Variants in KLHL32 observed in about 807,000 individuals in gnomAD.
KLHL32 encodes kelch like family member 32.
KLHL32 carries 35 observed loss-of-function variants against 64.8 expected under a neutral mutation model. That is an observed-to-expected ratio of 0.54 (90% CI 0.41 to 0.72). The LOEUF (loss-of-function observed/expected upper bound fraction) is 0.72, where lower values mean the gene tolerates loss of function less well. KLHL32 is among the 30% of genes least tolerant of loss of function. The pLI, the probability that KLHL32 is intolerant of heterozygous loss-of-function variation, is 0.00. For synonymous variants in KLHL32, 259 were observed against 281.0 expected (o/e 0.92, Z 0.78); for missense variants, 589 against 768.5 (o/e 0.77, Z 2.76).
rs74603560 is a variant in KLHL32, at chr6:96,925,310, T to C, written c.-66+284T>C. On this transcript the variant is annotated intron_variant, in intron 1 of 10. Transcript: ENST00000369261. ...TAAACATCAGCCGTGGGACATCTAT[T>C]GAAAGAACTGGTTTCTTAAATGATG... is the stretch of plus-strand genomic sequence containing the variant. 1.5e-3 allele frequency among the ~76,000 whole-genome samples: 227 copies of C among 152,342 alleles called. 5 individuals are homozygous for C. The East Asian group carries it at 0.034, about 23-fold the overall frequency.
intron 7 of KLHL32, among the ~76,000 whole-genome samples, chr6:97,120,492 G>T (rs1369121202): frequency 6.6e-6 from 1 of 152,116 alleles, no homozygotes; most frequent in Non-Finnish European, 1.5e-5. Context: ...TCAAATTTCT[G>T]TCGTTTTATG....
chr6:97,068,165 C>G (rs9487901), intron 5 of KLHL32, among the ~76,000 whole-genome samples: 137,822 of 152,138 alleles, frequency 0.91, 62,466 homozygotes, highest in East Asian at 1. Flanking sequence ...TTTGCCGTTA[C>G]CTTTCCAAAA....
In KLHL32 at chr6:97,075,942, C is replaced by T. The variant is rs963062788; in HGVS notation, c.412-9184C>T. 7.2e-5 allele frequency among the ~76,000 whole-genome samples: 11 copies of T among 152,282 alleles called. No individual in the cohort carries two copies. The East Asian group carries it at 1.5e-3, about 21-fold the overall frequency. On this transcript the variant is annotated intron_variant, in intron 5 of 10. Coordinates refer to ENST00000369261, the MANE Select transcript of KLHL32 (RefSeq NM_052904.4). Reference sequence around the variant, plus strand: ...TTTTTTGATCTCCATAGTGTGCTCCCAGACTGTAGATTTGCACAGCGGGGT... The same window carrying T: ...TTTTTTGATCTCCATAGTGTGCTCCTAGACTGTAGATTTGCACAGCGGGGT...
At chr6:97,035,903 T>A (rs1784225816) in intron 3 of KLHL32, among the ~76,000 whole-genome samples, 1 of 152,158 alleles carries the variant, frequency 6.6e-6, no homozygotes, top group Non-Finnish European at 1.5e-5. Flanking sequence ...TGGTAATTAT[T>A]CCTTTTCAAT....
chr6:96,930,314 C>T (rs907082333), intron 1 of KLHL32, among the ~76,000 whole-genome samples: 1 of 152,128 alleles, frequency 6.6e-6, no homozygotes, highest in Non-Finnish European at 1.5e-5. Context: ...GGTAGCATGG[C>T]ACAACCAGAA....
chr6:96,983,312 G>A (rs1367463694), intron 3 of KLHL32, among the ~76,000 whole-genome samples: 4 of 152,268 alleles, frequency 2.6e-5, no homozygotes, highest in Admixed American at 1.3e-4. Flanking sequence ...TTGAATTGAT[G>A]TTCATCAAGG....
chr6:97,038,300 A>G (rs1044330068), intron 3 of KLHL32, among the ~76,000 whole-genome samples: 1 of 151,986 alleles, frequency 6.6e-6, no homozygotes, highest in African/African-American at 2.4e-5. Context: ...ACCAGAATAT[A>G]TAAGAAACTC....
chr6:96,910,335 G>A, the KLHL32 span, among the ~76,000 whole-genome samples: 2 of 152,150 alleles, frequency 1.3e-5, no homozygotes, highest in Non-Finnish European at 2.9e-5. Context: ...CTATGTCAGA[G>A]AGGACACACA....
intron 5 of KLHL32, among the ~76,000 whole-genome samples, chr6:97,083,712 T>C (rs1049889183): frequency 9.2e-5 from 14 of 152,264 alleles, no homozygotes; most frequent in Admixed American, 6.5e-5. Context: ...TTTGTATTTC[T>C]GAATTTTATG....
chr6:97,101,652 C>T (rs1795741373), intron 6 of KLHL32, among the ~76,000 whole-genome samples: 1 of 152,200 alleles, frequency 6.6e-6, no homozygotes, highest in Non-Finnish European at 1.5e-5. Flanking sequence ...GCTTCTCCAA[C>T]GTTGAATTTA....
At chr6:97,020,526 A>G (rs995263271) in intron 3 of KLHL32, among the ~76,000 whole-genome samples, 4 of 150,816 alleles carry the variant, frequency 2.7e-5, no homozygotes, top group Non-Finnish European at 5.9e-5. Context: ...TACTAGTACT[A>G]TCAACTCTTT....
At chr6:96,999,509 T>A in intron 3 of KLHL32, 1 of 967,236 alleles carries the variant, frequency 1.0e-6, no homozygotes, top group Non-Finnish European at 1.2e-6. Flanking sequence ...CCATATTTGA[T>A]GGAATTTTGA....
chr6:97,034,091 A>C (rs908534148), intron 3 of KLHL32, among the ~76,000 whole-genome samples: 1 of 151,374 alleles, frequency 6.6e-6, no homozygotes, highest in Non-Finnish European at 1.5e-5. Flanking sequence ...TATCCAAAAA[A>C]TTATTGCTTA....
At chr6:96,924,484 G>A (rs1768890154), upstream of KLHL32, 1 of 150,032 alleles carries the variant, frequency 6.7e-6, no homozygotes, top group Admixed American at 6.7e-5. Context: ...CGGGGGCGGG[G>A]GGCGGCAGGG....
intron 2 of KLHL32, among the ~76,000 whole-genome samples, chr6:96,973,314 G>T (rs1417318030): frequency 6.6e-6 from 1 of 152,126 alleles, no homozygotes; most frequent in Middle Eastern, 3.2e-3. Context: ...TGCAAATACC[G>T]ATTCAGTCTT....
intron 3 of KLHL32, among the ~76,000 whole-genome samples, chr6:97,026,266 A>C (rs1782708139): frequency 6.6e-6 from 1 of 151,924 alleles, no homozygotes; most frequent in South Asian, 2.1e-4. Context: ...TTGCAGAAAA[A>C]GTGAGCTTGA....
At chr6:96,937,742 G>T (rs1204471792) in intron 1 of KLHL32, among the ~76,000 whole-genome samples, 2 of 152,084 alleles carry the variant, frequency 1.3e-5, no homozygotes, top group African/African-American at 4.8e-5. Context: ...CCTCACAGCT[G>T]CCCTTCTGCC....
chr6:97,002,573 C>A lies in KLHL32; in HGVS notation c.204+26396C>A, dbSNP rs747790389. ...TTGGTGTACAGATTATTTCATTACT[C>A]AGGTCCTAAGCGTAGTACGCTATAG... On this transcript the variant is annotated intron_variant, in intron 3 of 10. Coordinates refer to ENST00000369261, the MANE Select transcript of KLHL32 (RefSeq NM_052904.4). 3.3e-5 allele frequency among the ~76,000 whole-genome samples: 5 copies of A among 152,272 alleles called. No homozygotes were observed. The East Asian group carries it at 9.7e-4, about 29-fold the overall frequency.
At chr6:96,914,120 G>A in the KLHL32 span, among the ~76,000 whole-genome samples, 6 of 152,090 alleles carry the variant, frequency 3.9e-5, no homozygotes, top group Non-Finnish European at 8.8e-5. Flanking sequence ...AGCAAAAAAG[G>A]GTGGATGACC....
Sources: allele counts gnomAD v4.1 joint callset (sites outside exome capture counted in the v4.1 genomes callset), GRCh38; gene constraint gnomAD v4.1.1; transcripts MANE v1.5; gene names NCBI Gene and HGNC (gene_info 2026-07-23, HGNC 2026-07-21).